The following ANK2 variants were observed in gnomAD, a reference collection of about 807,000 sequenced individuals.
The protein encoded by ANK2 is ankyrin 2.
A neutral mutation model predicts 360.5 loss-of-function variants in ANK2; 83 were observed. That is an observed-to-expected ratio of 0.23 (90% confidence interval 0.19 to 0.28). The LOEUF is 0.28. ANK2 is among the 10% of genes least tolerant of loss of function. The probability of loss-of-function intolerance (pLI) is 1.00; values close to 1 mark genes in which losing one functional copy is unlikely to be tolerated. For missense variants in ANK2, 4,201 were observed against 4,795.7 expected (o/e 0.88, Z 3.66); for synonymous variants, 1,740 against 1,759.5 (o/e 0.99, Z 0.28).
intron 1 of ANK2, among the ~76,000 whole-genome samples, chr4:112,831,860 G>A (rs1252024238): frequency 6.6e-6 from 1 of 151,952 alleles, no homozygotes; most frequent in Non-Finnish European, 1.5e-5. Context: ...CCACCTTTAT[G>A]AACTGTAACA....
chr4:113,246,476 T>C (rs2042946917), intron 9 of ANK2, among the ~76,000 whole-genome samples: 1 of 152,208 alleles, frequency 6.6e-6, no homozygotes, highest in Non-Finnish European at 1.5e-5. Flanking sequence ...CATTTCAATG[T>C]GAAAACGTAA....
At chr4:112,821,224 T>C (rs1278933247) in intron 1 of ANK2, among the ~76,000 whole-genome samples, 1 of 152,028 alleles carries the variant, frequency 6.6e-6, no homozygotes, top group Non-Finnish European at 1.5e-5. Context: ...CCCTTAAATG[T>C]TTTTTGTAGA....
rs762826494 is a variant in ANK2, at chr4:113,355,401, A to G, written c.6783A>G (p.Thr2261=). Residue 2261 remains threonine (T), a synonymous_variant, in exon 38 of 46, where the codon ACA becomes ACG. Coordinates refer to ENST00000357077, the MANE Select transcript of ANK2 (RefSeq NM_001148.6). ...PKKSEEQTGE[T]KESTKTETTT... Reference sequence around the variant, plus strand: ...AAAGTGAGGAGCAAACTGGGGAAACAAAGGAAAGCACCAAGACAGAAACCA... The same window carrying G: ...AAAGTGAGGAGCAAACTGGGGAAACGAAGGAAAGCACCAAGACAGAAACCA... 6.2e-7 allele frequency: 1 copy of G among 1,614,034 alleles called. No individual in the cohort carries two copies. Among genetic ancestry groups the G allele is most frequent in the African/African-American group, 1.3e-5 (1 of 75,038 alleles).
chr4:113,202,111 T>G (rs543276613), intron 4 of ANK2, among the ~76,000 whole-genome samples: 1 of 152,270 alleles, frequency 6.6e-6, no homozygotes, highest in East Asian at 1.9e-4. Flanking sequence ...TGTATTGAAT[T>G]TATGTACCCA....
At chr4:113,218,846 T>A (rs1193926429) in intron 4 of ANK2, among the ~76,000 whole-genome samples, 1 of 152,174 alleles carries the variant, frequency 6.6e-6, no homozygotes, top group Admixed American at 6.5e-5. Flanking sequence ...AGTCATTTTT[T>A]ATTTTTATTA....
At chr4:113,302,300 T>C (rs1396720572) in intron 22 of ANK2, among the ~76,000 whole-genome samples, 1 of 152,246 alleles carries the variant, frequency 6.6e-6, no homozygotes, top group African/African-American at 2.4e-5. Context: ...AAAAGAGATG[T>C]GTCATATTTT....
In ANK2 at chr4:113,014,890, GC is replaced by G. The variant is rs1448052520; in HGVS notation, c.21+110377del. ...TTTTTTTTTTTTGAGACGGAGTCTC[GC>G]TCTGTCACCCAGGCTGGAGTGCAGT... On this transcript the variant is annotated intron_variant, in intron 2 of 30. Coordinates refer to the ANK2 transcript ENST00000503271. Among the ~76,000 whole-genome samples, 7 of 110,538 alleles carry G rather than the reference GC, an allele frequency of 6.3e-5. No homozygotes were observed. The Admixed American group carries it at 1.0e-3, about 16-fold the overall frequency. 72.5% of individuals were successfully genotyped at this position (110,538 alleles called of 152,430 possible).
intron 2 of ANK2, among the ~76,000 whole-genome samples, chr4:112,912,741 A>G (rs1392715645): frequency 6.6e-6 from 1 of 152,060 alleles, no homozygotes; most frequent in Admixed American, 6.5e-5. Context: ...ATGTAAATTA[A>G]ATAATTTTTA....
chr4:112,748,244 TGTAATAATGGTTATACA>T, the ANK2 span, among the ~76,000 whole-genome samples: 1 of 152,198 alleles, frequency 6.6e-6, no homozygotes, highest in Non-Finnish European at 1.5e-5. Flanking sequence ...ATGCTTACCA[TGTAATAATGGTTATACA>T]GCAAATTAAA....
At chr4:113,017,944 A>G (rs1032913) in intron 2 of ANK2, among the ~76,000 whole-genome samples, 123,338 of 152,196 alleles carry the variant, frequency 0.81, 49,934 homozygotes, top group South Asian at 0.87. Context: ...TGTGGTGGGT[A>G]TAAGAGCAGA....
intron 1 of ANK2, among the ~76,000 whole-genome samples, chr4:113,087,972 C>T (rs2085692478): frequency 6.6e-6 from 1 of 152,070 alleles, no homozygotes. Flanking sequence ...ATTATTTTAA[C>T]CTCTGAACCT....
In ANK2 at chr4:113,381,483, A is replaced by C. The variant is rs771704541; in HGVS notation, c.*12A>C. On this transcript the variant is annotated 3_prime_UTR_variant, in exon 46 of 46. Transcript: ENST00000357077. ...ACAACAATGAGTAAAGCCATCACAC[A>C]GAAGAGGGCTGTGGTGAAGGACCAG... 3 of 1,614,142 alleles carry C rather than the reference A, an allele frequency of 1.9e-6. No homozygotes were observed. The Admixed American group carries it at 5.0e-5, about 27-fold the overall frequency.
chr4:113,094,004 G>T (rs2089837938), intron 1 of ANK2, among the ~76,000 whole-genome samples: 1 of 152,122 alleles, frequency 6.6e-6, no homozygotes. Flanking sequence ...TATTGGAGTA[G>T]AGTATACTGT....
At position 113,174,515 on chromosome 4, in the gene ANK2, C is replaced by A; in HGVS notation, c.184C>A (p.Gln62Lys). ...KGGIDINTCN[Q>K]NGLNALHLAA... ...GGGCATAGACATCAATACCTGCAAT[C>A]AGGTAAGAACATGGCAGCTAGCTCT... is the stretch of plus-strand genomic sequence containing the variant. Residue 62 changes from glutamine (Q) to lysine (K), a missense_variant and splice_region_variant, in exon 2 of 46, where the codon CAG becomes AAG. Coordinates refer to ENST00000357077, the MANE Select transcript of ANK2 (RefSeq NM_001148.6). 6.2e-7 allele frequency: 1 copy of A among 1,602,558 alleles called. No individual in the cohort carries two copies. Among genetic ancestry groups the A allele is most frequent in the Non-Finnish European group, 8.5e-7 (1 of 1,170,682 alleles).
chr4:112,769,477 C>A, the ANK2 span, among the ~76,000 whole-genome samples: 1 of 152,138 alleles, frequency 6.6e-6, no homozygotes, highest in East Asian at 1.9e-4. Flanking sequence ...TTGGAGTCAA[C>A]CTTGGTTTCT....
intron 2 of ANK2, among the ~76,000 whole-genome samples, chr4:113,014,899 C>T (rs1437834629): frequency 9.5e-5 from 12 of 125,934 alleles, no homozygotes; most frequent in Non-Finnish European, 1.9e-4. Context: ...CGCTCTGTCA[C>T]CCAGGCTGGA....
chr4:112,947,167 T>C (rs1023577863), intron 2 of ANK2, among the ~76,000 whole-genome samples: 2 of 152,202 alleles, frequency 1.3e-5, no homozygotes, highest in African/African-American at 4.8e-5. Flanking sequence ...TTAACCCCCA[T>C]TATTCTTAAT....
intron 23 of ANK2, among the ~76,000 whole-genome samples, chr4:113,304,873 G>T (rs949351632): frequency 6.6e-6 from 1 of 151,914 alleles, no homozygotes; most frequent in Non-Finnish European, 1.5e-5. Flanking sequence ...CAAAGTACAC[G>T]TGGTACCACT....
At chr4:112,751,535 A>T in the ANK2 span, among the ~76,000 whole-genome samples, 1 of 152,154 alleles carries the variant, frequency 6.6e-6, no homozygotes, top group Non-Finnish European at 1.5e-5. Context: ...TGGGCAGGAA[A>T]TGTCAGGGAA....
Sources: gnomAD v4.1 joint callset for allele counts (sites outside exome capture counted in the v4.1 genomes callset) on GRCh38, gnomAD v4.1.1 for gene constraint, MANE v1.5 for transcripts, NCBI Gene and HGNC (gene_info 2026-07-23, HGNC 2026-07-21) for gene names.